Variants in NXPE2 observed in about 807,000 individuals in gnomAD.
NXPE2 encodes the protein NXPE family member 2.
In NXPE2, 34 loss-of-function variants were observed where a neutral mutation model predicts 34.4. The ratio of observed to expected loss-of-function variants is 0.99; its 90% confidence interval spans 0.75 to 1.31. The LOEUF (loss-of-function observed/expected upper bound fraction) is 1.31, where lower values mean the gene tolerates loss of function less well. Among genes scored for constraint, NXPE2 ranks in the 40% most tolerant of loss-of-function variants. NXPE2 has a pLI of 0.00. For missense variants in NXPE2, 649 were observed against 672.5 expected (o/e 0.97, Z 0.39); for synonymous variants, 235 against 231.3 (o/e 1.02, Z -0.15).
the NXPE2 span, among the ~76,000 whole-genome samples, chr11:114,712,227 G>A: frequency 6.6e-6 from 1 of 152,158 alleles, no homozygotes; most frequent in South Asian, 2.1e-4. Flanking sequence ...AAGGATTTAG[G>A]ACAGTAATTT....
chr11:114,808,386 A>T, the NXPE2 span, among the ~76,000 whole-genome samples: 1 of 151,688 alleles, frequency 6.6e-6, no homozygotes, highest in African/African-American at 2.4e-5. Context: ...AACCCTTCAA[A>T]AAATTAATGA....
At chr11:114,694,674 T>TA (rs1420344669) in intron 2 of NXPE2, among the ~76,000 whole-genome samples, 1 of 152,176 alleles carries the variant, frequency 6.6e-6, no homozygotes, top group Non-Finnish European at 1.5e-5. Context: ...TCTGTTGACA[T>TA]ACTTTCAAGC....
chr11:114,670,932 A>T, the NXPE2 span, among the ~76,000 whole-genome samples: 1 of 151,722 alleles, frequency 6.6e-6, no homozygotes, highest in Non-Finnish European at 1.5e-5. Context: ...ACTGCAAGAT[A>T]GCCAATATAA....
At chr11:114,608,508 T>C in the NXPE2 span, among the ~76,000 whole-genome samples, 1,337 of 152,096 alleles carry the variant, frequency 8.8e-3, 21 homozygotes, top group African/African-American at 0.031. Flanking sequence ...AGATGATAAG[T>C]GTTGCCTCGT....
chr11:114,586,303 C>G, the NXPE2 span, among the ~76,000 whole-genome samples: 3 of 152,146 alleles, frequency 2.0e-5, no homozygotes, highest in African/African-American at 7.2e-5. Context: ...GACAATGAAC[C>G]TCGGGTATTA....
chr11:114,702,190 A>C (rs1226053108), intron 3 of NXPE2, among the ~76,000 whole-genome samples: 1 of 152,212 alleles, frequency 6.6e-6, no homozygotes, highest in Non-Finnish European at 1.5e-5. Context: ...GTTGTTCACT[A>C]TTCTGTTAGT....
chr11:114,491,486 G>A, the NXPE2 span, among the ~76,000 whole-genome samples: 64 of 152,004 alleles, frequency 4.2e-4, no homozygotes, highest in African/African-American at 8.2e-4. Flanking sequence ...TTAGAATGGC[G>A]ATCATTAAAA....
the NXPE2 span, among the ~76,000 whole-genome samples, chr11:114,786,400 C>T: frequency 1.5e-5 from 2 of 133,162 alleles, no homozygotes; most frequent in African/African-American, 5.5e-5. Flanking sequence ...ATGGATTATC[C>T]CCACACTCCA....
At chr11:114,608,736 C>T in the NXPE2 span, among the ~76,000 whole-genome samples, 1 of 151,810 alleles carries the variant, frequency 6.6e-6, no homozygotes, top group Non-Finnish European at 1.5e-5. Flanking sequence ...CGTGGGTAAC[C>T]ACTGTTACCC....
the NXPE2 span, among the ~76,000 whole-genome samples, chr11:114,797,600 ATGT>A: frequency 2.0e-5 from 3 of 152,134 alleles, no homozygotes; most frequent in Non-Finnish European, 4.4e-5. Context: ...TTCTCAACAC[ATGT>A]TGTCTCAGCA....
the NXPE2 span, among the ~76,000 whole-genome samples, chr11:114,758,233 C>T: frequency 0.47 from 70,659 of 151,816 alleles, 17,148 homozygotes; most frequent in South Asian, 0.6. Context: ...TGTTTCCTCA[C>T]GCTAGAAGAG....
chr11:114,802,523 T>C, the NXPE2 span, among the ~76,000 whole-genome samples: 1 of 152,202 alleles, frequency 6.6e-6, no homozygotes, highest in African/African-American at 2.4e-5. Flanking sequence ...CCAGCCTGGT[T>C]ATGTGCTTCC....
At chr11:114,708,636 AAAAAGAAAAGAAAAG>A (rs369604933), downstream of NXPE2, among the ~76,000 whole-genome samples, 7 of 148,412 alleles carry the variant, frequency 4.7e-5, no homozygotes, top group African/African-American at 1.2e-4. Context: ...TCTCAAAAAA[AAAAAGAAAAGAAAAG>A]AAAAGAAAAG....
the NXPE2 span, among the ~76,000 whole-genome samples, chr11:114,476,341 C>T: frequency 6.6e-6 from 1 of 152,196 alleles, no homozygotes; most frequent in Non-Finnish European, 1.5e-5. Flanking sequence ...ATTAGCTCTT[C>T]AGGAGACCCA....
the NXPE2 span, among the ~76,000 whole-genome samples, chr11:114,560,656 C>T: frequency 5.1e-3 from 774 of 152,192 alleles, 9 homozygotes; most frequent in African/African-American, 0.017. Context: ...TTCATTAACT[C>T]GTCATTATCA....
the NXPE2 span, among the ~76,000 whole-genome samples, chr11:114,713,579 T>C: frequency 6.6e-6 from 1 of 151,736 alleles, no homozygotes; most frequent in African/African-American, 2.4e-5. Flanking sequence ...CAATATTTGA[T>C]CCACATTTGA....
chr11:114,597,953 A>G, the NXPE2 span, among the ~76,000 whole-genome samples: 2 of 152,200 alleles, frequency 1.3e-5, no homozygotes, highest in Admixed American at 6.5e-5. Context: ...GAATTTCAGC[A>G]TTAACTCAAA....
the NXPE2 span, among the ~76,000 whole-genome samples, chr11:114,760,204 T>C: frequency 3.9e-5 from 6 of 152,194 alleles, no homozygotes; most frequent in African/African-American, 1.4e-4. Flanking sequence ...GGCAGAGCCC[T>C]CATAAATGGG....
the NXPE2 span, among the ~76,000 whole-genome samples, chr11:114,749,861 T>G: frequency 6.6e-6 from 1 of 152,160 alleles, no homozygotes; most frequent in Non-Finnish European, 1.5e-5. Context: ...TGCTCAAGCT[T>G]TGCCACCCTG....
Sources: gnomAD v4.1 joint callset for allele counts (sites outside exome capture counted in the v4.1 genomes callset) on GRCh38, gnomAD v4.1.1 for gene constraint, MANE v1.5 for transcripts, NCBI Gene and HGNC (gene_info 2026-07-23, HGNC 2026-07-21) for gene names.